The following NAALADL2 variants were observed in gnomAD, a reference collection of about 807,000 sequenced individuals.
NAALADL2 encodes the protein inactive N-acetylated-alpha-linked acidic dipeptidase-like protein 2.
A neutral mutation model predicts 87.2 loss-of-function variants in NAALADL2; 76 were observed. The observed-to-expected ratio is 0.87, with a 90% CI of 0.72 to 1.05. The LOEUF (loss-of-function observed/expected upper bound fraction) is 1.05, where lower values mean the gene tolerates loss of function less well. NAALADL2 is among the 50% of genes least tolerant of loss of function. The probability of loss-of-function intolerance (pLI) is 0.00; values close to 1 mark genes in which losing one functional copy is unlikely to be tolerated. For missense variants in NAALADL2, 1,089 were observed against 945.8 expected (o/e 1.15, Z -1.99); for synonymous variants, 354 against 331.0 (o/e 1.07, Z -0.75).
At chr3:174,908,975 G>A (rs1281434756) in intron 1 of NAALADL2, among the ~76,000 whole-genome samples, 1 of 150,472 alleles carries the variant, frequency 6.6e-6, no homozygotes, top group Non-Finnish European at 1.5e-5. Flanking sequence ...GATTTTCTTA[G>A]ACTTAAGGCA....
chr3:174,492,016 T>C (rs1718226067), intron 1 of NAALADL2, among the ~76,000 whole-genome samples: 1 of 152,136 alleles, frequency 6.6e-6, no homozygotes, highest in Admixed American at 6.5e-5. Context: ...ATGCCTGTAA[T>C]CCCAGCACTT....
At chr3:175,777,703 G>T (rs968543554) in intron 13 of NAALADL2, among the ~76,000 whole-genome samples, 2 of 151,962 alleles carry the variant, frequency 1.3e-5, no homozygotes, top group Non-Finnish European at 2.9e-5. Flanking sequence ...CTCTGCCTAG[G>T]GTTGTTGGCA....
intron 2 of NAALADL2, among the ~76,000 whole-genome samples, chr3:174,574,187 A>G (rs1018707699): frequency 5.3e-5 from 8 of 152,308 alleles, no homozygotes; most frequent in Middle Eastern, 3.4e-3. Context: ...GAATTCCAGT[A>G]GACATATTCT....
intron 9 of NAALADL2, among the ~76,000 whole-genome samples, chr3:175,556,339 A>G (rs1272792333): frequency 6.6e-6 from 1 of 152,192 alleles, no homozygotes; most frequent in Non-Finnish European, 1.5e-5. Context: ...TTTTTTATCT[A>G]TCCATACCTC....
At chr3:175,113,844 A>C (rs940607946) in intron 2 of NAALADL2, among the ~76,000 whole-genome samples, 5 of 151,584 alleles carry the variant, frequency 3.3e-5, no homozygotes, top group African/African-American at 1.2e-4. Context: ...AAACAAACCC[A>C]AAGTTTTCTC....
intron 10 of NAALADL2, among the ~76,000 whole-genome samples, chr3:175,605,776 T>A (rs1471965992): frequency 1.3e-5 from 2 of 152,002 alleles, no homozygotes; most frequent in African/African-American, 4.8e-5. Context: ...AGACTCCTGG[T>A]TTTAAATTTT....
chr3:174,855,678 T>C (rs1369237187), upstream of NAALADL2, among the ~76,000 whole-genome samples: 2 of 151,672 alleles, frequency 1.3e-5, no homozygotes, highest in African/African-American at 4.8e-5. Context: ...ACAAAATTCA[T>C]TGCAGGCTCA....
intron 4 of NAALADL2, among the ~76,000 whole-genome samples, chr3:175,298,363 T>A (rs572411378): frequency 6.6e-6 from 1 of 152,266 alleles, no homozygotes; most frequent in African/African-American, 2.4e-5. Context: ...GATGCCAGAT[T>A]TTACATCTTA....
At chr3:175,133,697 CAGAGGGAGACCGTGGAAAGAGAGGG>C (rs1291787966) in intron 2 of NAALADL2, among the ~76,000 whole-genome samples, 4 of 152,084 alleles carry the variant, frequency 2.6e-5, no homozygotes, top group Non-Finnish European at 4.4e-5. Context: ...GGCTTGGCAT[CAGAGGGAGACCGTGGAAAGAGAGGG>C]AGAGGGAGAC....
rs1451158094 is a variant in NAALADL2, at chr3:175,165,321, C to A, written c.545+68030C>A. On this transcript the variant is annotated intron_variant, in intron 2 of 13. Transcript: ENST00000454872. ...TAGTCTTTCAATCCCCAGTGCCTCA[C>A]AGGATTCCTGGCCCCAAATGAATTC... Among the ~76,000 whole-genome samples, 4 of 152,244 alleles carry A rather than the reference C, an allele frequency of 2.6e-5. No homozygotes were observed. The East Asian group carries it at 7.7e-4, about 29-fold the overall frequency.
intron 11 of NAALADL2, among the ~76,000 whole-genome samples, chr3:175,681,842 C>T (rs956769734): frequency 6.6e-6 from 1 of 152,032 alleles, no homozygotes; most frequent in Non-Finnish European, 1.5e-5. Flanking sequence ...TAGAGCTTTG[C>T]TGAATGTGAA....
At chr3:175,402,146 G>A (rs16825630) in intron 5 of NAALADL2, among the ~76,000 whole-genome samples, 2,648 of 152,064 alleles carry the variant, frequency 0.017, 82 homozygotes, top group African/African-American at 0.061. Flanking sequence ...TTAATGACCA[G>A]GTATGTGTAT....
At chr3:175,267,205 G>C (rs1289737738) in intron 4 of NAALADL2, among the ~76,000 whole-genome samples, 1 of 151,906 alleles carries the variant, frequency 6.6e-6, no homozygotes, top group East Asian at 1.9e-4. Context: ...ATATATAAAA[G>C]TATTTTCCTT....
At chr3:175,277,433 A>C (rs1753744390) in intron 4 of NAALADL2, among the ~76,000 whole-genome samples, 1 of 152,156 alleles carries the variant, frequency 6.6e-6, no homozygotes, top group Admixed American at 6.5e-5. Context: ...GCTGTAAGGT[A>C]ATGGTAATGC....
chr3:174,748,015 C>T (rs1222083769), intron 3 of NAALADL2, among the ~76,000 whole-genome samples: 2 of 152,046 alleles, frequency 1.3e-5, no homozygotes, highest in Non-Finnish European at 2.9e-5. Context: ...TTTGCAAGGA[C>T]GTGGGTGGAG....
intron 2 of NAALADL2, among the ~76,000 whole-genome samples, chr3:175,206,964 G>A (rs1409143589): frequency 2.0e-5 from 3 of 152,070 alleles, no homozygotes; most frequent in African/African-American, 2.4e-5. Flanking sequence ...CAGTGCATGC[G>A]AATATGTCAC....
chr3:175,460,696 G>A (rs1722984398), intron 6 of NAALADL2, among the ~76,000 whole-genome samples: 1 of 152,122 alleles, frequency 6.6e-6, no homozygotes, highest in Non-Finnish European at 1.5e-5. Flanking sequence ...TCAACAATCA[G>A]AGAAGTAAGC....
At chr3:174,878,644 A>G (rs953379177) in intron 1 of NAALADL2, among the ~76,000 whole-genome samples, 1 of 152,006 alleles carries the variant, frequency 6.6e-6, no homozygotes, top group Non-Finnish European at 1.5e-5. Context: ...TCTTGTTGGC[A>G]GTAAGCTCAA....
intron 4 of NAALADL2, among the ~76,000 whole-genome samples, chr3:175,257,394 T>C (rs1164473929): frequency 1.3e-5 from 2 of 151,790 alleles, no homozygotes; most frequent in Admixed American, 6.6e-5. Context: ...TATCTTCCAA[T>C]AATACTCTTA....
Sources: gnomAD v4.1 joint callset for allele counts (sites outside exome capture counted in the v4.1 genomes callset) on GRCh38, gnomAD v4.1.1 for gene constraint, MANE v1.5 for transcripts, NCBI Gene and HGNC (gene_info 2026-07-23, HGNC 2026-07-21) for gene names.